Variants in XRN2 observed in about 807,000 individuals in gnomAD.
The protein encoded by XRN2 is DHM1-like protein.
XRN2 carries 44 observed loss-of-function variants against 138.5 expected under a neutral mutation model. The observed-to-expected ratio is 0.32, with a 90% CI of 0.25 to 0.41. The LOEUF (loss-of-function observed/expected upper bound fraction) is 0.41, where lower values mean the gene tolerates loss of function less well. Ranked by LOEUF, XRN2 falls within the 10% of genes least tolerant of loss-of-function variation. The pLI, the probability that XRN2 is intolerant of heterozygous loss-of-function variation, is 1.00. For missense variants in XRN2, 937 were observed against 1,169.3 expected (o/e 0.80, Z 2.90); for synonymous variants, 354 against 369.4 (o/e 0.96, Z 0.48).
At chr20:21,363,365 T>G (rs1487439693) in intron 24 of XRN2, among the ~76,000 whole-genome samples, 2 of 152,196 alleles carry the variant, frequency 1.3e-5, no homozygotes, top group Non-Finnish European at 2.9e-5. Flanking sequence ...CACAGATACC[T>G]GCTTCAAAAC....
chr20:21,350,547 A>G (rs1600700405), intron 20 of XRN2, among the ~76,000 whole-genome samples: 1 of 151,198 alleles, frequency 6.6e-6, no homozygotes, highest in African/African-American at 2.4e-5. Flanking sequence ...AAAAAAAAAA[A>G]AAAAAAGAAA....
At chr20:21,387,032 T>C (rs774182615) in intron 29 of XRN2, 26 bp downstream of exon 29, 23 of 1,587,742 alleles carry the variant, frequency 1.4e-5, no homozygotes, top group Non-Finnish European at 1.8e-5. Context: ...ATGAAAAGTA[T>C]ACTGCTCACT....
At chr20:21,347,326 C>G (rs938471727) in intron 17 of XRN2, among the ~76,000 whole-genome samples, 4 of 152,102 alleles carry the variant, frequency 2.6e-5, no homozygotes, top group African/African-American at 9.7e-5. Context: ...TGTATCCTAC[C>G]TTTTGATAAT....
chr20:21,334,990 G>A (rs1248110005), intron 13 of XRN2, among the ~76,000 whole-genome samples: 1 of 152,322 alleles, frequency 6.6e-6, no homozygotes, highest in South Asian at 2.1e-4. Context: ...TGTACTATGA[G>A]TGTGACCCTG....
chr20:21,356,174 A>G lies in XRN2; in HGVS notation c.2115A>G (p.Thr705=), dbSNP rs1239598990. Residue 705 remains threonine (T), a synonymous_variant, in exon 22 of 30, where the codon ACA becomes ACG. Transcript: ENST00000377191. ...TAGAGCTGTACCAGACAGGTTCCAC[A>G]GAGGTATGTTACGCAATTTGGTTAA... The part of the protein sequence containing the change: ...FILELYQTGS[T]EPVEVPPELC... 1.2e-6 allele frequency: 2 copies of G among 1,605,136 alleles called. No individual in the cohort carries two copies. Among genetic ancestry groups the G allele is most frequent in the Non-Finnish European group, 1.7e-6 (2 of 1,176,542 alleles).
Position 21,333,544 on chromosome 20 carries a change from C to T in XRN2, c.859C>T (p.His287Tyr). Residue 287 changes from histidine to tyrosine, a missense_variant and splice_region_variant, in exon 10 of 30, where the codon CAT (histidine) becomes TAT (tyrosine). Transcript: ENST00000377191. ...TTCATCTTCATTCCTGTTCTTGCAG[C>T]ATGATGAACTTGCCGATAGTCTTCC... ...EGLPREKKGK[H>Y]DELADSLPCA... The T allele has an allele frequency of 6.2e-7, 1 of 1,612,094 alleles. No homozygotes were observed. Among genetic ancestry groups the T allele is most frequent in the Non-Finnish European group, 8.5e-7 (1 of 1,178,210 alleles).
intron 3 of XRN2, 71 bp downstream of exon 3, chr20:21,326,672 G>T: frequency 8.2e-7 from 1 of 1,222,704 alleles, no homozygotes; most frequent in Non-Finnish European, 1.2e-6. Flanking sequence ...TAGAATGAAA[G>T]TCAGCTAAAT....
intron 15 of XRN2, among the ~76,000 whole-genome samples, chr20:21,342,223 T>G (rs1390274190): frequency 1.3e-5 from 2 of 152,188 alleles, no homozygotes; most frequent in Non-Finnish European, 2.9e-5. Context: ...TCTGAGCTGT[T>G]GGGTTGTAGT....
At chr20:21,347,678 A>G (rs1232090232) in intron 17 of XRN2, among the ~76,000 whole-genome samples, 1 of 152,234 alleles carries the variant, frequency 6.6e-6, no homozygotes, top group Non-Finnish European at 1.5e-5. Context: ...AGGTGAAAAT[A>G]TAATGGTGAA....
intron 17 of XRN2, 48 bp downstream of exon 17, chr20:21,346,598 AAAATAGT>A: frequency 1.3e-6 from 2 of 1,580,444 alleles, no homozygotes; most frequent in Non-Finnish European, 1.7e-6. Flanking sequence ...TCATTTAAGA[AAAATAGT>A]AATTTCTTTT....
chr20:21,338,979 G>A (rs2038336155), intron 13 of XRN2, 65 bp from the exon 14 acceptor site: 9 of 1,465,870 alleles, frequency 6.1e-6, no homozygotes, highest in African/African-American at 1.4e-5. Flanking sequence ...ATCATTCCTG[G>A]TAATGCTTAA....
chr20:21,324,855 AC>A (rs1222222198), intron 1 of XRN2, among the ~76,000 whole-genome samples: 1 of 152,174 alleles, frequency 6.6e-6, no homozygotes, highest in Non-Finnish European at 1.5e-5. Flanking sequence ...CATGAAATTG[AC>A]CTGCTGAAAG....
At chr20:21,320,833 A>G (rs780878429) in intron 1 of XRN2, among the ~76,000 whole-genome samples, 6 of 151,844 alleles carry the variant, frequency 4.0e-5, no homozygotes, top group African/African-American at 7.3e-5. Context: ...TAAATTGTAG[A>G]TCTTTCCAGG....
intron 1 of XRN2, among the ~76,000 whole-genome samples, chr20:21,309,082 A>G (rs749857070): frequency 1.3e-5 from 2 of 152,170 alleles, no homozygotes; most frequent in Non-Finnish European, 2.9e-5. Context: ...AAAGTTTGCT[A>G]AAGTTTTCTT....
intron 12 of XRN2, 41 bp downstream of exon 12, chr20:21,334,035 CT>C: frequency 6.2e-7 from 1 of 1,613,766 alleles, no homozygotes; most frequent in Non-Finnish European, 8.5e-7. Context: ...GAAGTATTTG[CT>C]TTTATAAGAA....
Position 21,307,671 on chromosome 20 carries a change from C to G in XRN2, c.75+4198C>G, listed in dbSNP as rs1237056522. Among the ~76,000 whole-genome samples, 12 of 76,116 alleles carry G rather than the reference C, an allele frequency of 1.6e-4. 3 individuals are homozygous for G. Among genetic ancestry groups the G allele is most frequent in the African/African-American group, 4.3e-4 (12 of 27,802 alleles). The allele number at this position is 76,116 out of a possible 152,430, so 49.9% of individuals were successfully genotyped here. ...TAATACAGTGCATACATCTGTGAAA[C>G]CAGCACAACCAAGACAGTGAACGTG... On this transcript the variant is annotated intron_variant, in intron 1 of 29. Transcript: ENST00000377191.
chr20:21,348,952 T>G (rs2038472927), intron 19 of XRN2, among the ~76,000 whole-genome samples: 3 of 151,790 alleles, frequency 2.0e-5, no homozygotes, highest in Admixed American at 1.3e-4. Flanking sequence ...CGGGGAAAAA[T>G]TTTTGTTCTC....
chr20:21,376,280 C>A lies in XRN2; in HGVS notation c.2585-5714C>A, dbSNP rs538906518. Among the ~76,000 whole-genome samples the A allele has an allele frequency of 6.6e-5, 10 of 152,188 alleles. No homozygotes were observed. In the South Asian group the frequency reaches 2.1e-3, roughly 32 times the overall value. The stretch of plus-strand genomic sequence containing the variant: ...TGTGGTGAGAGGATTGGTTGAGCCC[C>A]GGGAGTTTGAGGCTGCAGTGAGCTA... On this transcript the variant is annotated intron_variant, in intron 27 of 29. Coordinates refer to ENST00000377191, the MANE Select transcript of XRN2 (RefSeq NM_012255.5).
At chr20:21,309,200 G>GT (rs1164296087) in intron 1 of XRN2, among the ~76,000 whole-genome samples, 1 of 152,146 alleles carries the variant, frequency 6.6e-6, no homozygotes, top group East Asian at 1.9e-4. Context: ...AGTTCCTTCA[G>GT]TTTTTTGGAA....
Sources: gnomAD v4.1 joint callset for allele counts (sites outside exome capture counted in the v4.1 genomes callset) on GRCh38, gnomAD v4.1.1 for gene constraint, MANE v1.5 for transcripts, NCBI Gene and HGNC (gene_info 2026-07-23, HGNC 2026-07-21) for gene names.